CHD9: variants seen among roughly 807,000 people sequenced by gnomAD.
The protein encoded by CHD9 is chromodomain helicase DNA binding protein 9.
A neutral mutation model predicts 316.1 loss-of-function variants in CHD9; 77 were observed. That is an observed-to-expected ratio of 0.24 (90% CI 0.20 to 0.29). CHD9 has a LOEUF of 0.29. Ranked by LOEUF, CHD9 falls within the 10% of genes least tolerant of loss-of-function variation. The pLI, the probability that CHD9 is intolerant of heterozygous loss-of-function variation, is 1.00. For synonymous variants in CHD9, 1,129 were observed against 1,158.3 expected, an observed-to-expected ratio of 0.97 and a Z score of 0.51; for missense variants, 2,763 against 3,438.1, an observed-to-expected ratio of 0.80 and a Z score of 4.91.
intron 31 of CHD9, among the ~76,000 whole-genome samples, chr16:53,305,542 C>G (rs1171412341): frequency 6.6e-6 from 1 of 152,040 alleles, no homozygotes; most frequent in Non-Finnish European, 1.5e-5. Context: ...AATATTTTTC[C>G]CAGGAACAAG....
chr16:53,145,564 AGCGTGGT>A (rs2040506234), intron 1 of CHD9, among the ~76,000 whole-genome samples: 1 of 151,712 alleles, frequency 6.6e-6, no homozygotes, highest in Non-Finnish European at 1.5e-5. Context: ...AAATTAGCTG[AGCGTGGT>A]GGAGGGCACC....
chr16:53,261,060 A>G (rs958430885), intron 19 of CHD9, among the ~76,000 whole-genome samples: 2 of 151,084 alleles, frequency 1.3e-5, no homozygotes, highest in African/African-American at 4.9e-5. Context: ...TTAGTTTTTC[A>G]GTAGTTTTAT....
intron 2 of CHD9, among the ~76,000 whole-genome samples, chr16:53,195,428 C>T (rs372186113): frequency 2.0e-5 from 3 of 152,178 alleles, no homozygotes; most frequent in African/African-American, 7.2e-5. Flanking sequence ...TTTATTATCT[C>T]ATGGCTTCCT....
chr16:53,131,536 G>T (rs1312392695), intron 1 of CHD9, among the ~76,000 whole-genome samples: 2 of 151,018 alleles, frequency 1.3e-5, no homozygotes, highest in Non-Finnish European at 3.0e-5. Flanking sequence ...CCGCCCCCCG[G>T]CCCACAGCCC....
At chr16:53,119,878 C>T (rs553362589) in intron 1 of CHD9, among the ~76,000 whole-genome samples, 67 of 151,958 alleles carry the variant, frequency 4.4e-4, no homozygotes, top group Admixed American at 9.9e-4. Context: ...GTCCAGGGAA[C>T]TCCATTGCCA....
At chr16:53,241,811 G>C (rs1366094444) in intron 12 of CHD9, among the ~76,000 whole-genome samples, 1 of 152,032 alleles carries the variant, frequency 6.6e-6, no homozygotes, top group African/African-American at 2.4e-5. Flanking sequence ...TCCTGTCCTT[G>C]GCCTCTCCAG....
At chr16:53,161,357 A>T (rs927039242) in intron 2 of CHD9, among the ~76,000 whole-genome samples, 1 of 152,172 alleles carries the variant, frequency 6.6e-6, no homozygotes, top group African/African-American at 2.4e-5. Flanking sequence ...TACCTATATA[A>T]TTTTTGCATG....
chr16:53,114,777 C>T (rs573962892), intron 1 of CHD9, among the ~76,000 whole-genome samples: 205 of 150,868 alleles, frequency 1.4e-3, no homozygotes, highest in African/African-American at 4.6e-3. Context: ...TTAGTAGAGA[C>T]GGGGTTTCAC....
intron 22 of CHD9, among the ~76,000 whole-genome samples, chr16:53,273,292 T>C (rs897784235): frequency 3.3e-5 from 5 of 152,124 alleles, no homozygotes; most frequent in African/African-American, 1.2e-4. Flanking sequence ...TCAAAACATA[T>C]CTTTTAGTAT....
At chr16:53,231,361 T>G in intron 8 of CHD9, 58 bp from the exon 9 acceptor site, 1 of 981,538 alleles carries the variant, frequency 1.0e-6, no homozygotes, top group Non-Finnish European at 1.6e-6. Flanking sequence ...AAATTCGTCC[T>G]TACTTTTATC....
At chr16:53,157,754 A>G (rs1039609478) in intron 2 of CHD9, among the ~76,000 whole-genome samples, 11 of 152,230 alleles carry the variant, frequency 7.2e-5, no homozygotes, top group African/African-American at 2.7e-4. Flanking sequence ...TAGCTTCTAT[A>G]TTTAGAAAAT....
intron 22 of CHD9, among the ~76,000 whole-genome samples, chr16:53,269,746 G>A (rs189029009): frequency 1.3e-5 from 2 of 152,136 alleles, no homozygotes; most frequent in Non-Finnish European, 2.9e-5. Context: ...ATCGGATTAG[G>A]AGTGAATAGA....
chr16:53,126,048 A>C (rs1316713389), intron 1 of CHD9, among the ~76,000 whole-genome samples: 1 of 152,204 alleles, frequency 6.6e-6, no homozygotes, highest in Non-Finnish European at 1.5e-5. Flanking sequence ...GAAAGTTTTT[A>C]ATTTTAATGA....
chr16:53,125,410 A>G (rs2152665770), intron 1 of CHD9, among the ~76,000 whole-genome samples: 1 of 151,708 alleles, frequency 6.6e-6, no homozygotes, highest in South Asian at 2.1e-4. Flanking sequence ...TTTTAGTAGC[A>G]ATGGGGTTGG....
At chr16:53,306,447 A>G in intron 32 of CHD9, 50 bp downstream of exon 32, 4 of 1,410,288 alleles carry the variant, frequency 2.8e-6, no homozygotes, top group South Asian at 1.5e-5. Context: ...GTATTTTTCT[A>G]TATTGCTTCA....
Position 53,096,756 on chromosome 16 carries a change from T to C in CHD9, c.-165+41679T>C, listed in dbSNP as rs544831605. 2.0e-5 allele frequency among the ~76,000 whole-genome samples: 3 copies of C among 152,278 alleles called. No homozygotes were observed. The South Asian group carries it at 6.2e-4, about 32-fold the overall frequency. ...TAAAGAAAAGAAATTTCTTCACAGT[T>C]ACAGAGGCTGAGAAGTCCCAGGTCA... On this transcript the variant is annotated intron_variant, in intron 1 of 38. Transcript: ENST00000447540.
chr16:53,271,701 C>A (rs191779180), intron 22 of CHD9, among the ~76,000 whole-genome samples: 131 of 152,062 alleles, frequency 8.6e-4, no homozygotes, highest in African/African-American at 2.8e-3. Context: ...TCAAATATAC[C>A]ATGACTTCGA....
At chr16:53,248,342 A>G (rs2049825186) in intron 16 of CHD9, among the ~76,000 whole-genome samples, 1 of 151,874 alleles carries the variant, frequency 6.6e-6, no homozygotes, top group South Asian at 2.1e-4. Flanking sequence ...TCTCAAAAAA[A>G]AAAAAAAAAT....
At chr16:53,258,697 A>G (rs572978567) in intron 19 of CHD9, among the ~76,000 whole-genome samples, 1 of 152,142 alleles carries the variant, frequency 6.6e-6, no homozygotes, top group Non-Finnish European at 1.5e-5. Flanking sequence ...TCCTTATGAG[A>G]CTATTCAGAC....
Sources: gnomAD v4.1 joint callset for allele counts (sites outside exome capture counted in the v4.1 genomes callset) on GRCh38, gnomAD v4.1.1 for gene constraint, MANE v1.5 for transcripts, NCBI Gene and HGNC (gene_info 2026-07-23, HGNC 2026-07-21) for gene names.